Variants in EIF4E2 observed in about 807,000 individuals in gnomAD.
EIF4E2 encodes the protein eukaryotic translation initiation factor 4E type 2.
In EIF4E2, 13 loss-of-function variants were observed where a neutral mutation model predicts 34.2. The observed-to-expected ratio is 0.38, with a 90% CI of 0.25 to 0.60. EIF4E2 has a LOEUF of 0.60. Among genes scored for constraint, EIF4E2 ranks in the 20% least tolerant of loss-of-function variants. EIF4E2 has a pLI of 0.62. For synonymous variants in EIF4E2, 100 were observed against 106.6 expected, an observed-to-expected ratio of 0.94 and a Z score of 0.38; for missense variants, 222 against 315.1, an observed-to-expected ratio of 0.70 and a Z score of 2.24.
rs1322131266 is a variant in EIF4E2 at position 232,566,071 on chromosome 2, G to A, written c.376-758G>A. ...CGCACCACTGCACTCCAGACTGGGT[G>A]ACAGCGGGAGACTCCATCGCAAAAA... On this transcript the variant is annotated intron_variant, in intron 4 of 6. Transcript: ENST00000258416. This position sits in a 1 kb window ranked among gnomAD's most constrained non-coding sequence, Gnocchi z 4.9. Among the ~76,000 whole-genome samples the A allele has an allele frequency of 2.0e-5, 3 of 151,462 alleles. No homozygotes were observed. The East Asian group carries it at 5.8e-4, about 29-fold the overall frequency.
intron 4 of EIF4E2, among the ~76,000 whole-genome samples, chr2:232,565,137 A>G (rs1352635141): frequency 1.3e-5 from 2 of 152,236 alleles, no homozygotes; most frequent in Non-Finnish European, 2.9e-5. Context: ...ATGTGGTCAC[A>G]TCCACGCCAC....
chr2:232,559,151 A>G (rs1342094049), intron 3 of EIF4E2, among the ~76,000 whole-genome samples: 1 of 151,938 alleles, frequency 6.6e-6, no homozygotes, highest in Non-Finnish European at 1.5e-5. Context: ...GCAGCGCACC[A>G]GCATGGCACA....
downstream of EIF4E2, among the ~76,000 whole-genome samples, chr2:232,570,608 A>G (rs1197409716): frequency 6.6e-6 from 1 of 152,152 alleles, no homozygotes; most frequent in African/African-American, 2.4e-5. Context: ...TTCCATGGAT[A>G]TGACTTGGTT....
rs1316049047 is a variant in EIF4E2, at chr2:232,576,510, T to G, written c.666-4394T>G. ...TCTTTGTGGCCCCCGTGTCTTTTTT[T>G]ATACAGTGTGGGAGGCAGACGAAGA... On this transcript the variant is annotated intron_variant, in intron 6 of 6. Transcript: ENST00000409098. Among the ~76,000 whole-genome samples the G allele has an allele frequency of 2.6e-5, 4 of 151,642 alleles. No homozygotes were observed. The East Asian group carries it at 7.8e-4, about 29-fold the overall frequency.
At chr2:232,572,102 C>G (rs1242613191), downstream of EIF4E2, among the ~76,000 whole-genome samples, 1 of 152,136 alleles carries the variant, frequency 6.6e-6, no homozygotes, top group Non-Finnish European at 1.5e-5. Flanking sequence ...TTAATTTTTT[C>G]TGTTTTTAGA....
At chr2:232,582,673 T>G (rs148902198) in exon 7 of EIF4E2, 3 of 152,150 alleles carry the variant, frequency 2.0e-5, no homozygotes, top group Admixed American at 6.5e-5. Context: ...AGAGCAGATA[T>G]TTGGATTTGC....
chr2:232,571,364 G>A (rs926468778), downstream of EIF4E2, among the ~76,000 whole-genome samples: 5 of 152,206 alleles, frequency 3.3e-5, no homozygotes, highest in South Asian at 2.1e-4. Context: ...ACTTGTAGTC[G>A]AGTTTTCATA....
At chr2:232,579,166 A>ACACC (rs1693288441) in intron 6 of EIF4E2, among the ~76,000 whole-genome samples, 1 of 134,004 alleles carries the variant, frequency 7.5e-6, no homozygotes, top group Non-Finnish European at 1.6e-5. Flanking sequence ...ACACACACAC[A>ACACC]CCAGTTATGC....
intron 1 of EIF4E2, among the ~76,000 whole-genome samples, chr2:232,551,772 TG>T: frequency 6.6e-6 from 1 of 152,322 alleles, no homozygotes; most frequent in East Asian, 1.9e-4. Flanking sequence ...GTGCTTTTGA[TG>T]GGAAATTGGG....
chr2:232,555,601 G>C (rs542476238), intron 1 of EIF4E2, among the ~76,000 whole-genome samples: 197 of 152,268 alleles, frequency 1.3e-3, no homozygotes, highest in Middle Eastern at 3.4e-3. Flanking sequence ...CTTGCCCTGG[G>C]TGCTGGAGAT....
chr2:232,574,028 G>A (rs926366143), downstream of EIF4E2: 6 of 692,318 alleles, frequency 8.7e-6, no homozygotes, highest in Non-Finnish European at 1.6e-5. Flanking sequence ...GGGAACAGGG[G>A]CAGACTTCTC....
chr2:232,575,917 G>A (rs1693201199), intron 6 of EIF4E2, among the ~76,000 whole-genome samples: 1 of 151,752 alleles, frequency 6.6e-6, no homozygotes, highest in South Asian at 2.1e-4. Flanking sequence ...TTAAAATTGG[G>A]GTGCTTTGCT....
rs566429415 is a variant in EIF4E2, at chr2:232,578,147, T to C, written c.666-2757T>C. ...ACTGCCACCAGCCTGTGTTAGTCTG[T>C]CACTGTCAGGAGCAGGCCACCCCCA... On this transcript the variant is annotated intron_variant, in intron 6 of 6. Transcript: ENST00000409098. 5.3e-5 allele frequency among the ~76,000 whole-genome samples: 8 copies of C among 152,342 alleles called. No individual in the cohort carries two copies. The East Asian group carries it at 5.8e-4, about 11-fold the overall frequency.
At chr2:232,561,816 C>T (rs1656402) in intron 3 of EIF4E2, among the ~76,000 whole-genome samples, 46,444 of 151,960 alleles carry the variant, frequency 0.31, 7,630 homozygotes, top group Admixed American at 0.41. Context: ...AAACAAGTTG[C>T]TGACATGATT....
At chr2:232,568,108 G>T in intron 6 of EIF4E2, 13 of 985,440 alleles carry the variant, frequency 1.3e-5, no homozygotes, top group Non-Finnish European at 1.6e-5. Flanking sequence ...AGGGTCTTCA[G>T]ATGGAGAATG....
chr2:232,569,530 T>G (rs543387910), downstream of EIF4E2, among the ~76,000 whole-genome samples: 2 of 152,236 alleles, frequency 1.3e-5, no homozygotes, highest in African/African-American at 4.8e-5. Flanking sequence ...CTGTTCAGGT[T>G]GGAAAGGGGG....
chr2:232,550,768 G>A (rs897662210), intron 1 of EIF4E2, 24 bp downstream of exon 1: 7 of 1,552,480 alleles, frequency 4.5e-6, no homozygotes, highest in Middle Eastern at 2.1e-4. Flanking sequence ...GGCCGCCCCC[G>A]GGGCCCCTTC....
At chr2:232,562,742 A>G (rs76113299) in intron 3 of EIF4E2, among the ~76,000 whole-genome samples, 3 of 152,344 alleles carry the variant, frequency 2.0e-5, no homozygotes, top group Admixed American at 6.5e-5. Flanking sequence ...ATGAGCCACT[A>G]GTGGGTGTAC....
intron 3 of EIF4E2, among the ~76,000 whole-genome samples, chr2:232,559,980 G>C (rs1692666035): frequency 6.6e-6 from 1 of 152,164 alleles, no homozygotes; most frequent in Non-Finnish European, 1.5e-5. Flanking sequence ...AACAGAGATA[G>C]ATCCTGTCTA....
Sources: allele counts gnomAD v4.1 joint callset (sites outside exome capture counted in the v4.1 genomes callset), GRCh38; gene constraint gnomAD v4.1.1; non-coding constraint Gnocchi (gnomAD v3.1); transcripts MANE v1.5; gene names NCBI Gene and HGNC (gene_info 2026-07-23, HGNC 2026-07-21).